Variants in ME1 observed in about 807,000 individuals in gnomAD.
ME1 encodes NADP-dependent malic enzyme.
Under a neutral mutation model 66.4 loss-of-function variants are expected in ME1, and 74 were observed. The ratio of observed to expected loss-of-function variants is 1.11; its 90% CI spans 0.92 to 1.35. The LOEUF is 1.35. Ranked by LOEUF, ME1 falls within the 40% of genes most tolerant of loss-of-function variation. The probability of loss-of-function intolerance (pLI) is 0.00; values close to 1 mark genes in which losing one functional copy is unlikely to be tolerated. For missense variants in ME1, 750 were observed against 694.1 expected, an observed-to-expected ratio of 1.08 and a Z score of -0.90; for synonymous variants, 251 against 235.6, an observed-to-expected ratio of 1.07 and a Z score of -0.60.
chr6:83,376,505 A>G (rs1227402285), intron 3 of ME1, among the ~76,000 whole-genome samples: 5 of 151,670 alleles, frequency 3.3e-5, no homozygotes, highest in African/African-American at 4.8e-5. Flanking sequence ...AAAAAAAAAA[A>G]AAAGAAAAAA....
chr6:83,246,522 T>C (rs574643861), intron 7 of ME1, among the ~76,000 whole-genome samples: 3 of 152,128 alleles, frequency 2.0e-5, no homozygotes, highest in Admixed American at 2.0e-4. Flanking sequence ...CTTAAAAATA[T>C]CTTGTGAATA....
chr6:83,409,493 C>T lies in ME1; in HGVS notation c.79-1592G>A, dbSNP rs896986108. Among the ~76,000 whole-genome samples, 7 of 152,194 alleles carry T rather than the reference C, an allele frequency of 4.6e-5. No individual in the cohort carries two copies. The East Asian group carries it at 9.6e-4, about 21-fold the overall frequency. ...AACCCTGATTGGTTAGGAATAAACACGTCCAAACCCAGGAAGTTTGTGAAA... is the reference window on the plus strand; with the variant it reads ...AACCCTGATTGGTTAGGAATAAACATGTCCAAACCCAGGAAGTTTGTGAAA... On this transcript the variant is annotated intron_variant, in intron 1 of 13. Coordinates refer to ENST00000369705, the MANE Select transcript of ME1 (RefSeq NM_002395.6).
At chr6:83,288,085 T>A (rs918071268) in intron 6 of ME1, among the ~76,000 whole-genome samples, 10 of 152,172 alleles carry the variant, frequency 6.6e-5, no homozygotes, top group East Asian at 1.9e-4. Flanking sequence ...TTGCAAAAAA[T>A]TTCTCTCATT....
chr6:83,342,979 C>T (rs774710233), intron 5 of ME1, among the ~76,000 whole-genome samples: 6 of 152,176 alleles, frequency 3.9e-5, no homozygotes, highest in Admixed American at 6.5e-5. Context: ...CCACCACCCC[C>T]GGCCACCTTG....
At chr6:83,217,624 A>C (rs988000961) in intron 12 of ME1, among the ~76,000 whole-genome samples, 7 of 152,220 alleles carry the variant, frequency 4.6e-5, no homozygotes, top group African/African-American at 1.7e-4. Flanking sequence ...GGTGCTAAGA[A>C]ATCCAGAGGA....
At chr6:83,379,837 T>C (rs1288893951) in intron 3 of ME1, among the ~76,000 whole-genome samples, 3 of 152,112 alleles carry the variant, frequency 2.0e-5, no homozygotes, top group African/African-American at 7.2e-5. Context: ...TGTACGTACA[T>C]TTGAATTGTA....
chr6:83,225,205 C>CGAAAAAAAAAAAA (rs1386353254), intron 11 of ME1, among the ~76,000 whole-genome samples: 2 of 40,500 alleles, frequency 4.9e-5, no homozygotes, highest in Non-Finnish European at 5.3e-5. Context: ...GACTCCATCT[C>CGAAAAAAAAAAAA]AAAAAAAAAA....
At chr6:83,368,633 T>A (rs527889174) in intron 3 of ME1, among the ~76,000 whole-genome samples, 1 of 152,286 alleles carries the variant, frequency 6.6e-6, no homozygotes, top group Admixed American at 6.5e-5. Context: ...TATAACTACA[T>A]GCATTGATCT....
intron 13 of ME1, among the ~76,000 whole-genome samples, chr6:83,214,930 C>T (rs976144518): frequency 1.2e-4 from 19 of 152,072 alleles, no homozygotes; most frequent in African/African-American, 4.6e-4. Flanking sequence ...TTGGCACTCC[C>T]CTGCTGTCCC....
At chr6:83,382,439 CAAT>C (rs1769424152) in intron 3 of ME1, among the ~76,000 whole-genome samples, 1 of 151,864 alleles carries the variant, frequency 6.6e-6, no homozygotes, top group African/African-American at 2.4e-5. Context: ...ATTGAATGGT[CAAT>C]AATATTATCT....
Position 83,237,715 on chromosome 6 carries a change from ACCTTAACTATT to A in ME1, c.1017_1026+1del. On this transcript the variant is annotated splice_donor_variant and coding_sequence_variant, in exon 9 of 14. Coordinates refer to ENST00000369705, the MANE Select transcript of ME1 (RefSeq NM_002395.6). LOFTEE classifies it high-confidence loss of function. ...TTCTGGTTAAAAATGACAAATTCTT[ACCTTAACTATT>A]AATCCTTTTGAATCAACCAGCCATA... 1.3e-6 allele frequency: 2 copies of A among 1,540,836 alleles called. No homozygotes were observed. Among genetic ancestry groups the A allele is most frequent in the Non-Finnish European group, 1.8e-6 (2 of 1,124,460 alleles).
intron 3 of ME1, among the ~76,000 whole-genome samples, chr6:83,373,511 C>A (rs1357945612): frequency 6.6e-6 from 1 of 152,160 alleles, no homozygotes; most frequent in Admixed American, 6.5e-5. Context: ...AGCCACCGCA[C>A]CCAGCCAGCA....
chr6:83,357,522 T>C (rs926006100), intron 3 of ME1, among the ~76,000 whole-genome samples: 1 of 152,136 alleles, frequency 6.6e-6, no homozygotes, highest in African/African-American at 2.4e-5. Context: ...CCAATTGTGA[T>C]GGTTAATACT....
chr6:83,225,791 G>C (rs1303435356), intron 11 of ME1, among the ~76,000 whole-genome samples: 1 of 141,504 alleles, frequency 7.1e-6, no homozygotes, highest in African/African-American at 2.7e-5. Context: ...TTATATTTGA[G>C]AAAGAGGCCT....
At chr6:83,235,958 TA>T (rs950141188) in intron 9 of ME1, among the ~76,000 whole-genome samples, 26 of 152,058 alleles carry the variant, frequency 1.7e-4, no homozygotes, top group Non-Finnish European at 2.9e-5. Flanking sequence ...TCAAAATATA[TA>T]AAAAAGACAT....
intron 6 of ME1, among the ~76,000 whole-genome samples, chr6:83,294,672 G>A (rs1292119204): frequency 6.6e-6 from 1 of 152,146 alleles, no homozygotes; most frequent in Non-Finnish European, 1.5e-5. Context: ...GAATGGGTAA[G>A]GAGCAAAGAC....
At chr6:83,234,328 A>T (rs1790356504) in intron 9 of ME1, among the ~76,000 whole-genome samples, 1 of 152,110 alleles carries the variant, frequency 6.6e-6, no homozygotes, top group South Asian at 2.1e-4. Flanking sequence ...TTACATGGTG[A>T]TGACCCCCAG....
At chr6:83,425,813 G>T (rs1217656777) in intron 1 of ME1, among the ~76,000 whole-genome samples, 2 of 152,138 alleles carry the variant, frequency 1.3e-5, no homozygotes, top group African/African-American at 2.4e-5. Flanking sequence ...TAGTAGAAAA[G>T]CTCTAGCAGT....
intron 5 of ME1, among the ~76,000 whole-genome samples, chr6:83,317,308 C>T (rs542818180): frequency 2.6e-5 from 4 of 152,210 alleles, no homozygotes; most frequent in South Asian, 4.2e-4. Context: ...AGGAACTGGT[C>T]TTCCATTTGT....
Sources: allele counts gnomAD v4.1 joint callset (sites outside exome capture counted in the v4.1 genomes callset), GRCh38; gene constraint gnomAD v4.1.1; transcripts MANE v1.5; gene names NCBI Gene and HGNC (gene_info 2026-07-23, HGNC 2026-07-21).